CTNND2: variants seen among roughly 807,000 people sequenced by gnomAD.
The protein encoded by CTNND2 is catenin delta 2, also known as catenin delta-2.
A neutral mutation model predicts 144.4 loss-of-function variants in CTNND2; 22 were observed. That is an observed-to-expected ratio of 0.15 (90% CI 0.11 to 0.22). CTNND2 has a LOEUF of 0.22. Among genes scored for constraint, CTNND2 ranks in the 10% least tolerant of loss-of-function variants. The probability of loss-of-function intolerance (pLI) is 1.00; values close to 1 mark genes in which losing one functional copy is unlikely to be tolerated. For missense variants in CTNND2, 1,353 were observed against 1,618.8 expected (o/e 0.84, Z 2.82); for synonymous variants, 751 against 695.6 (o/e 1.08, Z -1.25).
intron 1 of CTNND2, among the ~76,000 whole-genome samples, chr5:11,747,593 T>C (rs1788385781): frequency 6.6e-6 from 1 of 152,150 alleles, no homozygotes; most frequent in Non-Finnish European, 1.5e-5. Flanking sequence ...CATCTAAGCT[T>C]ATAAGTGAAA....
chr5:11,629,647 T>A (rs1399596345), intron 2 of CTNND2, among the ~76,000 whole-genome samples: 1 of 152,190 alleles, frequency 6.6e-6, no homozygotes, highest in African/African-American at 2.4e-5. Flanking sequence ...GTTGTTTATA[T>A]CTGAACACAA....
At chr5:11,295,210 C>A (rs2150022642) in intron 9 of CTNND2, among the ~76,000 whole-genome samples, 1 of 152,312 alleles carries the variant, frequency 6.6e-6, no homozygotes, top group East Asian at 1.9e-4. Context: ...AGAGCCAAAT[C>A]ATGAGTGAAC....
intron 3 of CTNND2, among the ~76,000 whole-genome samples, chr5:11,529,857 C>T (rs1181197619): frequency 6.6e-6 from 1 of 152,184 alleles, no homozygotes; most frequent in East Asian, 1.9e-4. Flanking sequence ...GAACAATACA[C>T]ACTTGGGTAT....
At position 11,402,756 on chromosome 5, in the gene CTNND2, C is replaced by T. The variant is rs575259741; in HGVS notation, c.440-5553G>A. ...TTATGCAAGAAAGCTTCAGAGTTGA[C>T]GGGCAGGTGTGTTTATAAATATCAT... On this transcript the variant is annotated intron_variant, in intron 5 of 21. Transcript: ENST00000304623. 2.6e-4 allele frequency among the ~76,000 whole-genome samples: 40 copies of T among 152,272 alleles called. 1 individual carries two copies. The highest frequency in any genetic ancestry group is 9.1e-4 in the African/African-American group (38 of 41,556).
chr5:11,525,493 A>G (rs1773160862), intron 3 of CTNND2, among the ~76,000 whole-genome samples: 1 of 152,212 alleles, frequency 6.6e-6, no homozygotes, highest in Non-Finnish European at 1.5e-5. Context: ...GCCTTTGTAA[A>G]TAAGGATACA....
intron 16 of CTNND2, among the ~76,000 whole-genome samples, chr5:11,081,335 T>C (rs1749552042): frequency 6.6e-6 from 1 of 152,178 alleles, no homozygotes; most frequent in African/African-American, 2.4e-5. Context: ...CCACCAAAGA[T>C]AAGATAATTA....
rs61750696 is a variant in CTNND2 at position 11,348,370 on chromosome 5, A to T, written c.1373-1743T>A. On this transcript the variant is annotated intron_variant, in intron 8 of 21. Transcript: ENST00000304623. Reference sequence around the variant, plus strand: ...GTCATAAACTTGCTCTTGGATGAACAAATGTACAGAGGTAAACAAAATTTC... The same window carrying T: ...GTCATAAACTTGCTCTTGGATGAACTAATGTACAGAGGTAAACAAAATTTC... Among the ~76,000 whole-genome samples the T allele has an allele frequency of 3.0e-4, 45 of 151,990 alleles. No individual in the cohort carries two copies. The East Asian group carries it at 8.7e-3, about 29-fold the overall frequency.
chr5:11,508,182 G>A (rs550400499), intron 3 of CTNND2, among the ~76,000 whole-genome samples: 1 of 152,192 alleles, frequency 6.6e-6, no homozygotes, highest in Non-Finnish European at 1.5e-5. Context: ...GTAAACAGCT[G>A]GTCTCTTCTC....
At chr5:11,121,248 G>A (rs1461121735) in intron 12 of CTNND2, among the ~76,000 whole-genome samples, 2 of 152,132 alleles carry the variant, frequency 1.3e-5, no homozygotes, top group Non-Finnish European at 2.9e-5. Flanking sequence ...CTCACTAAAT[G>A]GTTAGTTGTA....
chr5:11,775,462 T>C (rs1423940704), intron 1 of CTNND2, among the ~76,000 whole-genome samples: 2 of 152,210 alleles, frequency 1.3e-5, no homozygotes, highest in Non-Finnish European at 2.9e-5. Context: ...ACTCAATAAC[T>C]GTCTAGCATG....
At chr5:11,047,912 G>A (rs143180317) in intron 16 of CTNND2, among the ~76,000 whole-genome samples, 191 of 152,194 alleles carry the variant, frequency 1.3e-3, no homozygotes, top group South Asian at 8.5e-3. Flanking sequence ...TGTTGTTTTC[G>A]CTTCCTGCAT....
At chr5:11,307,405 G>A (rs1750357167) in intron 9 of CTNND2, among the ~76,000 whole-genome samples, 1 of 152,082 alleles carries the variant, frequency 6.6e-6, no homozygotes, top group African/African-American at 2.4e-5. Flanking sequence ...AACCTGGTAG[G>A]AGGAAGCCTT....
intron 16 of CTNND2, among the ~76,000 whole-genome samples, chr5:11,074,347 G>A (rs1464969198): frequency 6.6e-6 from 1 of 152,172 alleles, no homozygotes; most frequent in Non-Finnish European, 1.5e-5. Context: ...CAGACAGTGG[G>A]GGTGCAATAT....
At chr5:11,695,511 T>G (rs1785101955) in intron 2 of CTNND2, among the ~76,000 whole-genome samples, 1 of 152,226 alleles carries the variant, frequency 6.6e-6, no homozygotes, top group Non-Finnish European at 1.5e-5. Flanking sequence ...TATAATGGAA[T>G]GGGTAAATAA....
chr5:11,363,511 G>GA (rs1376260926), intron 8 of CTNND2, among the ~76,000 whole-genome samples: 2 of 152,056 alleles, frequency 1.3e-5, no homozygotes, highest in East Asian at 3.9e-4. Flanking sequence ...GGCTGAAGGT[G>GA]AAAAAAATTC....
At chr5:11,179,263 A>T (rs1348436937) in intron 11 of CTNND2, among the ~76,000 whole-genome samples, 1 of 152,148 alleles carries the variant, frequency 6.6e-6, no homozygotes, top group African/African-American at 2.4e-5. Flanking sequence ...ACTGCACTCC[A>T]GCCTGGGTGA....
intron 1 of CTNND2, among the ~76,000 whole-genome samples, chr5:11,863,043 A>G (rs1160781745): frequency 6.6e-6 from 1 of 152,216 alleles, no homozygotes; most frequent in Admixed American, 6.5e-5. Flanking sequence ...TCCCTAGTTT[A>G]GCAATGCAAC....
At chr5:11,755,258 T>A (rs1202840438) in intron 1 of CTNND2, among the ~76,000 whole-genome samples, 1 of 151,738 alleles carries the variant, frequency 6.6e-6, no homozygotes, top group Admixed American at 6.6e-5. Context: ...TCATAATGCT[T>A]AATATAGGCC....
chr5:11,159,683 G>C lies in CTNND2; in HGVS notation c.2052C>G (p.Asn684Lys). ...IIQDALAVLT[N>K]AVIIPHSGWE... ...AGCCTGAGTGGGGGATAATCACCGC[G>C]TTGGTCAGTACTGCTAGGGCATCCT... Residue 684 changes from asparagine (N) to lysine (K), a missense_variant, in exon 12 of 22, where the codon AAC becomes AAG. Asn to Lys is a moderately conservative substitution (Grantham distance 94, BLOSUM62 0). Coordinates refer to ENST00000304623, the MANE Select transcript of CTNND2 (RefSeq NM_001332.4). 1.2e-6 allele frequency: 2 copies of C among 1,613,448 alleles called. No homozygotes were observed. The highest frequency in any genetic ancestry group is 1.7e-6 in the Non-Finnish European group (2 of 1,179,716).
Sources: allele counts gnomAD v4.1 joint callset (sites outside exome capture counted in the v4.1 genomes callset), GRCh38; gene constraint gnomAD v4.1.1; transcripts MANE v1.5; gene names NCBI Gene and HGNC (gene_info 2026-07-23, HGNC 2026-07-21).